Variants in TAF3 observed in about 807,000 individuals in gnomAD.
The protein encoded by TAF3 is TATA-box binding protein associated factor 3.
A neutral mutation model predicts 80.6 loss-of-function variants in TAF3; 7 were observed. That is an observed-to-expected ratio of 0.09 (90% CI 0.05 to 0.16). The LOEUF is 0.16. Among genes scored for constraint, TAF3 ranks in the 10% least tolerant of loss-of-function variants. TAF3 has a pLI of 1.00. For synonymous variants in TAF3, 444 were observed against 446.1 expected, an observed-to-expected ratio of 1.00 and a Z score of 0.06; for missense variants, 921 against 1,140.2, an observed-to-expected ratio of 0.81 and a Z score of 2.77.
At chr10:7,927,325 G>A (rs1399181) in intron 2 of TAF3, among the ~76,000 whole-genome samples, 79,519 of 152,082 alleles carry the variant, frequency 0.52, 22,603 homozygotes, top group East Asian at 0.7. Context: ...CTTTTTCTAC[G>A]TGTTTTTCTG....
At chr10:8,006,803 G>A (rs1370553757) in intron 4 of TAF3, among the ~76,000 whole-genome samples, 1 of 152,226 alleles carries the variant, frequency 6.6e-6, no homozygotes, top group Non-Finnish European at 1.5e-5. Flanking sequence ...GAGGCCAGAG[G>A]CTGTCGTGAG....
intron 1 of TAF3, among the ~76,000 whole-genome samples, chr10:7,820,461 A>G (rs918762422): frequency 6.6e-6 from 1 of 152,226 alleles, no homozygotes; most frequent in African/African-American, 2.4e-5. Flanking sequence ...CCAAAAATGT[A>G]TATGTTTTGA....
At chr10:7,872,343 G>A (rs911828926) in intron 2 of TAF3, among the ~76,000 whole-genome samples, 2 of 150,888 alleles carry the variant, frequency 1.3e-5, no homozygotes, top group Admixed American at 1.3e-4. Flanking sequence ...AATTAGCAAT[G>A]GAGCCTTATT....
intron 2 of TAF3, among the ~76,000 whole-genome samples, chr10:7,949,615 T>C (rs769794259): frequency 8.5e-5 from 13 of 152,238 alleles, no homozygotes; most frequent in African/African-American, 1.4e-4. Flanking sequence ...TAATAGTAAC[T>C]TGAAACAACT....
chr10:7,923,738 A>G (rs771809026), intron 2 of TAF3, among the ~76,000 whole-genome samples: 2 of 152,068 alleles, frequency 1.3e-5, no homozygotes, highest in Non-Finnish European at 2.9e-5. Context: ...GACTCCCCCA[A>G]TTTTTTGGAT....
chr10:7,892,034 T>C (rs1324262041), intron 2 of TAF3, among the ~76,000 whole-genome samples: 1 of 152,236 alleles, frequency 6.6e-6, no homozygotes, highest in Non-Finnish European at 1.5e-5. Context: ...TTTTCTTCTT[T>C]TAAAAATTTA....
At chr10:7,896,904 C>T (rs982522125) in intron 2 of TAF3, among the ~76,000 whole-genome samples, 22 of 152,172 alleles carry the variant, frequency 1.4e-4, no homozygotes, top group Non-Finnish European at 2.1e-4. Flanking sequence ...GGCCCTTTTC[C>T]AACCTTCTTT....
intron 2 of TAF3, among the ~76,000 whole-genome samples, chr10:7,931,703 C>T (rs957501602): frequency 2.6e-5 from 4 of 152,098 alleles, no homozygotes; most frequent in Non-Finnish European, 4.4e-5. Flanking sequence ...AATTTTATTA[C>T]GTAAATTAGT....
At chr10:7,829,298 CAATT>C (rs1365422139) in intron 2 of TAF3, among the ~76,000 whole-genome samples, 2 of 152,184 alleles carry the variant, frequency 1.3e-5, no homozygotes, top group African/African-American at 4.8e-5. Flanking sequence ...ACGTGTATCA[CAATT>C]AATGAACAAT....
intron 2 of TAF3, among the ~76,000 whole-genome samples, chr10:7,884,632 C>A (rs1458263878): frequency 6.6e-6 from 1 of 152,174 alleles, no homozygotes; most frequent in African/African-American, 2.4e-5. Context: ...AGGTGATCCA[C>A]CTGCCTCGGC....
At chr10:8,004,480 A>G (rs908549977) in intron 4 of TAF3, among the ~76,000 whole-genome samples, 1 of 151,786 alleles carries the variant, frequency 6.6e-6, no homozygotes, top group Admixed American at 6.6e-5. Flanking sequence ...TTTTTTTTTT[A>G]AATGTGCTGG....
intron 2 of TAF3, among the ~76,000 whole-genome samples, chr10:7,859,991 C>T (rs1837128156): frequency 6.6e-6 from 1 of 152,116 alleles, no homozygotes; most frequent in Non-Finnish European, 1.5e-5. Context: ...TCTAGTTTGG[C>T]CAGGAGTGGT....
intron 2 of TAF3, among the ~76,000 whole-genome samples, chr10:7,925,798 CAA>C (rs375690990): frequency 5.6e-5 from 4 of 71,008 alleles, no homozygotes; most frequent in African/African-American, 5.8e-5. Context: ...AACTCCATCT[CAA>C]AAAAAAAAAA....
At chr10:7,954,336 T>C (rs1434950311) in intron 2 of TAF3, among the ~76,000 whole-genome samples, 3 of 134,036 alleles carry the variant, frequency 2.2e-5, no homozygotes, top group African/African-American at 7.9e-5. Context: ...ATGAGTGAAT[T>C]AGTTCTAGTT....
At chr10:7,887,374 T>C (rs1037969561) in intron 2 of TAF3, among the ~76,000 whole-genome samples, 1 of 152,136 alleles carries the variant, frequency 6.6e-6, no homozygotes, top group African/African-American at 2.4e-5. Flanking sequence ...AAATGTTGCT[T>C]AGGAAATTTT....
At chr10:7,895,140 C>T (rs1469187946) in intron 2 of TAF3, among the ~76,000 whole-genome samples, 1 of 152,230 alleles carries the variant, frequency 6.6e-6, no homozygotes, top group Non-Finnish European at 1.5e-5. Context: ...GCTGGGATTA[C>T]AGTCTGCCTC....
At chr10:7,851,001 T>C (rs11255403) in intron 2 of TAF3, among the ~76,000 whole-genome samples, 26,192 of 152,124 alleles carry the variant, frequency 0.17, 2,294 homozygotes, top group Admixed American at 0.23. Flanking sequence ...ACAAAGCAGA[T>C]AAACAGTCTC....
chr10:7,984,493 C>G (rs1394859147), intron 4 of TAF3, among the ~76,000 whole-genome samples: 1 of 152,144 alleles, frequency 6.6e-6, no homozygotes, highest in African/African-American at 2.4e-5. Context: ...TAATTTTGTT[C>G]TTTAAATGAA....
At chr10:8,003,975 A>G (rs1023252397) in intron 4 of TAF3, among the ~76,000 whole-genome samples, 5 of 152,218 alleles carry the variant, frequency 3.3e-5, no homozygotes, top group African/African-American at 9.6e-5. Flanking sequence ...ATCTGTTAAC[A>G]TATAATGGGT....
Sources: allele counts gnomAD v4.1 joint callset (sites outside exome capture counted in the v4.1 genomes callset), GRCh38; gene constraint gnomAD v4.1.1; transcripts MANE v1.5; gene names NCBI Gene and HGNC (gene_info 2026-07-23, HGNC 2026-07-21).